The following SEMA6D variants were observed in gnomAD, a reference collection of about 807,000 sequenced individuals.
SEMA6D encodes the protein semaphorin-6D.
A neutral mutation model predicts 106.6 loss-of-function variants in SEMA6D; 35 were observed. That is an observed-to-expected ratio of 0.33 (90% CI 0.25 to 0.44). The LOEUF (loss-of-function observed/expected upper bound fraction) is 0.44, where lower values mean the gene tolerates loss of function less well. SEMA6D is among the 20% of genes least tolerant of loss of function. SEMA6D has a pLI of 1.00. For missense variants in SEMA6D, 1,185 were observed against 1,345.9 expected, an observed-to-expected ratio of 0.88 and a Z score of 1.87; for synonymous variants, 499 against 487.7, an observed-to-expected ratio of 1.02 and a Z score of -0.31.
chr15:47,367,606 GA>G (rs1293090394), intron 1 of SEMA6D, among the ~76,000 whole-genome samples: 2 of 151,878 alleles, frequency 1.3e-5, no homozygotes, highest in Non-Finnish European at 1.5e-5. Context: ...GGAAATGGTG[GA>G]AAGGAAAACT....
chr15:47,293,781 A>G (rs1317022911), intron 1 of SEMA6D, among the ~76,000 whole-genome samples: 2 of 152,232 alleles, frequency 1.3e-5, no homozygotes, highest in Non-Finnish European at 2.9e-5. Context: ...ATTATAAACA[A>G]TGATGGCAGG....
intron 1 of SEMA6D, among the ~76,000 whole-genome samples, chr15:47,274,633 C>T (rs2034714807): frequency 6.6e-6 from 1 of 152,126 alleles, no homozygotes; most frequent in South Asian, 2.1e-4. Context: ...AATGAAACTT[C>T]TATGAGGTTT....
chr15:47,357,308 TG>T (rs764754339), intron 1 of SEMA6D, among the ~76,000 whole-genome samples: 127 of 152,160 alleles, frequency 8.3e-4, no homozygotes, highest in Non-Finnish European at 1.3e-3. Context: ...CATTCCATCC[TG>T]GGCGACAGCA....
At chr15:47,323,254 A>G (rs1392736190) in intron 1 of SEMA6D, among the ~76,000 whole-genome samples, 1 of 152,182 alleles carries the variant, frequency 6.6e-6, no homozygotes, top group Admixed American at 6.5e-5. Flanking sequence ...CTCGGCGAGC[A>G]GGAGAGCTAC....
intron 1 of SEMA6D, among the ~76,000 whole-genome samples, chr15:47,755,472 G>A (rs1206893644): frequency 1.3e-5 from 2 of 152,056 alleles, no homozygotes; most frequent in African/African-American, 4.8e-5. Flanking sequence ...TGAATGTTGG[G>A]CAATGTATGT....
intron 1 of SEMA6D, among the ~76,000 whole-genome samples, chr15:47,313,455 T>A (rs190800740): frequency 1.1e-3 from 173 of 152,356 alleles, no homozygotes; most frequent in African/African-American, 4.1e-3. Context: ...TGATAGCTAT[T>A]TTTTAGTGCT....
intron 3 of SEMA6D, among the ~76,000 whole-genome samples, chr15:47,505,027 A>G (rs1201089950): frequency 3.9e-5 from 6 of 152,146 alleles, no homozygotes; most frequent in Non-Finnish European, 7.3e-5. Flanking sequence ...AAACTCACAG[A>G]AAACAGAATT....
intron 2 of SEMA6D, among the ~76,000 whole-genome samples, chr15:47,416,525 A>G (rs1050548283): frequency 6.6e-6 from 1 of 152,176 alleles, no homozygotes; most frequent in African/African-American, 2.4e-5. Context: ...TGAAATCATC[A>G]TAGCAGATCA....
At chr15:47,423,613 T>A (rs571423562) in intron 2 of SEMA6D, among the ~76,000 whole-genome samples, 10 of 150,094 alleles carry the variant, frequency 6.7e-5, no homozygotes, top group African/African-American at 2.2e-4. Flanking sequence ...AAAGAAATCA[T>A]TTTTTTTTTC....
intron 3 of SEMA6D, among the ~76,000 whole-genome samples, chr15:47,484,768 A>T (rs79160377): frequency 0.027 from 3,809 of 140,278 alleles, 146 homozygotes; most frequent in South Asian, 0.083. Context: ...CCTGTTTTCA[A>T]TTCTGTTTCT....
intron 1 of SEMA6D, among the ~76,000 whole-genome samples, chr15:47,377,712 A>G (rs572486426): frequency 3.9e-5 from 6 of 152,256 alleles, no homozygotes; most frequent in African/African-American, 1.2e-4. Flanking sequence ...GAAATGGAAA[A>G]TTTGTCTGGA....
chr15:47,316,544 G>C (rs1413706558), intron 1 of SEMA6D, among the ~76,000 whole-genome samples: 7 of 151,572 alleles, frequency 4.6e-5, no homozygotes, highest in Non-Finnish European at 8.8e-5. Flanking sequence ...ATTTTTTTGG[G>C]GGGGGTTTTG....
chr15:47,351,549 A>G (rs896205906), intron 1 of SEMA6D, among the ~76,000 whole-genome samples: 6 of 152,200 alleles, frequency 3.9e-5, no homozygotes, highest in African/African-American at 1.4e-4. Flanking sequence ...TAGAGAGGGC[A>G]TAACAATTAT....
At chr15:47,511,606 C>G (rs1405125255) in intron 3 of SEMA6D, among the ~76,000 whole-genome samples, 1 of 152,142 alleles carries the variant, frequency 6.6e-6, no homozygotes, top group African/African-American at 2.4e-5. Flanking sequence ...TAATATATCC[C>G]TTCAGAAACT....
chr15:47,220,283 A>G (rs1383690905), intron 1 of SEMA6D, among the ~76,000 whole-genome samples: 1 of 152,202 alleles, frequency 6.6e-6, no homozygotes, highest in Non-Finnish European at 1.5e-5. Context: ...GCTGTTCTCT[A>G]TCTCTTGCCA....
intron 1 of SEMA6D, among the ~76,000 whole-genome samples, chr15:47,403,396 T>G (rs896866379): frequency 6.6e-6 from 1 of 152,130 alleles, no homozygotes; most frequent in African/African-American, 2.4e-5. Flanking sequence ...GTAAATGATT[T>G]AATGGAATAT....
intron 3 of SEMA6D, among the ~76,000 whole-genome samples, chr15:47,580,350 C>T (rs575637152): frequency 6.6e-4 from 100 of 152,268 alleles, no homozygotes; most frequent in African/African-American, 2.1e-3. Context: ...GCAAAGCAAT[C>T]GATAGTTAAA....
chr15:47,593,086 A>T (rs1187637681), intron 3 of SEMA6D, among the ~76,000 whole-genome samples: 1 of 152,144 alleles, frequency 6.6e-6, no homozygotes, highest in Admixed American at 6.5e-5. Context: ...AGAAGCATTC[A>T]TTACTTTTTG....
chr15:47,379,884 A>G (rs1049320094), intron 1 of SEMA6D, among the ~76,000 whole-genome samples: 5 of 152,048 alleles, frequency 3.3e-5, no homozygotes, highest in Non-Finnish European at 5.9e-5. Context: ...CTGCCTCCCA[A>G]GTAGCTGGGA....
Sources: allele counts gnomAD v4.1 joint callset (sites outside exome capture counted in the v4.1 genomes callset), GRCh38; gene constraint gnomAD v4.1.1; transcripts MANE v1.5; gene names NCBI Gene and HGNC (gene_info 2026-07-23, HGNC 2026-07-21).